PPP1R9A: variants seen among roughly 807,000 people sequenced by gnomAD.
PPP1R9A encodes the protein protein phosphatase 1 regulatory subunit 9A, also known as neurabin-1.
Under a neutral mutation model 141.9 loss-of-function variants are expected in PPP1R9A, and 59 were observed. The ratio of observed to expected loss-of-function variants is 0.42; its 90% CI spans 0.34 to 0.52. PPP1R9A has a LOEUF of 0.52. PPP1R9A is among the 20% of genes least tolerant of loss of function. The probability of loss-of-function intolerance (pLI) is 0.10; values close to 1 mark genes in which losing one functional copy is unlikely to be tolerated. For synonymous variants in PPP1R9A, 500 were observed against 569.7 expected (o/e 0.88, Z 1.74); for missense variants, 1,444 against 1,611.9 (o/e 0.90, Z 1.78).
At chr7:95,147,778 A>T (rs1827908301) in intron 4 of PPP1R9A, among the ~76,000 whole-genome samples, 1 of 152,032 alleles carries the variant, frequency 6.6e-6, no homozygotes, top group African/African-American at 2.4e-5. Flanking sequence ...CATTCGTTCT[A>T]CTTATGTGAT....
intron 4 of PPP1R9A, among the ~76,000 whole-genome samples, chr7:95,126,786 C>T (rs527805394): frequency 1.8e-4 from 27 of 152,076 alleles, no homozygotes; most frequent in Non-Finnish European, 3.5e-4. Flanking sequence ...GAGGTTGCAT[C>T]TAAAAGTTGT....
chr7:95,025,653 A>T (rs1806720002), intron 2 of PPP1R9A, among the ~76,000 whole-genome samples: 1 of 152,038 alleles, frequency 6.6e-6, no homozygotes, highest in African/African-American at 2.4e-5. Flanking sequence ...CCTGGATAAA[A>T]TCCTGAAGAG....
intron 4 of PPP1R9A, among the ~76,000 whole-genome samples, chr7:95,151,789 TAAAAA>T (rs576612472): frequency 6.6e-6 from 1 of 151,638 alleles, no homozygotes; most frequent in African/African-American, 2.4e-5. Flanking sequence ...GTTCTGAACA[TAAAAA>T]AACTCTACAA....
chr7:95,250,380 A>G, intron 10 of PPP1R9A, 125 bp downstream of exon 10: 1 of 808,900 alleles, frequency 1.2e-6, no homozygotes, highest in Non-Finnish European at 1.9e-6. Context: ...ATCCAGGAGC[A>G]TAGTTACAGC....
At chr7:95,219,120 C>T (rs1585314869) in intron 7 of PPP1R9A, among the ~76,000 whole-genome samples, 1 of 152,162 alleles carries the variant, frequency 6.6e-6, no homozygotes, top group Non-Finnish European at 1.5e-5. Context: ...TTGTTCCTTT[C>T]CATGTTTAAT....
intron 8 of PPP1R9A, among the ~76,000 whole-genome samples, chr7:95,233,132 T>C (rs1016516954): frequency 2.0e-5 from 3 of 152,218 alleles, no homozygotes; most frequent in East Asian, 1.9e-4. Flanking sequence ...ATGCCCATCA[T>C]TGATAGACTG....
rs573856584 is a variant in PPP1R9A at position 95,180,627 on chromosome 7, A to T, written c.1755-17722A>T. On this transcript the variant is annotated intron_variant, in intron 5 of 19. Transcript: ENST00000433360. ...GGGAGAAAATCTTTGCCATCTACAC[A>T]TCTGACATAGGACTAATATCCAGAA... 2.6e-5 allele frequency among the ~76,000 whole-genome samples: 4 copies of T among 152,298 alleles called. No homozygotes were observed. The East Asian group carries it at 7.7e-4, about 29-fold the overall frequency.
At chr7:95,066,576 A>G (rs1812977341) in intron 2 of PPP1R9A, among the ~76,000 whole-genome samples, 1 of 152,248 alleles carries the variant, frequency 6.6e-6, no homozygotes, top group Non-Finnish European at 1.5e-5. Context: ...AGTGATATTC[A>G]GAGGACAAAA....
chr7:95,227,892 A>C (rs1265712345), intron 8 of PPP1R9A, among the ~76,000 whole-genome samples: 4 of 152,184 alleles, frequency 2.6e-5, no homozygotes, highest in Non-Finnish European at 4.4e-5. Context: ...TTTGTTTTAC[A>C]TTTAACATTA....
Position 95,014,075 on chromosome 7 carries a change from C to G in PPP1R9A, c.1396-97184C>G, listed in dbSNP as rs1804775580. On this transcript the variant is annotated intron_variant, in intron 2 of 19. Coordinates refer to ENST00000433360, the MANE Select transcript of PPP1R9A (RefSeq NM_001166160.2). ...TACTCAAGTATGCATTTCCTAAAATCAGGAACATGGTCTAAAACAACCATA... is the reference window on the plus strand; with the variant it reads ...TACTCAAGTATGCATTTCCTAAAATGAGGAACATGGTCTAAAACAACCATA... Among the ~76,000 whole-genome samples the G allele has an allele frequency of 1.3e-5, 2 of 151,982 alleles. 1 individual carries two copies. Among genetic ancestry groups the G allele is most frequent in the Admixed American group, 1.3e-4 (2 of 15,252 alleles).
chr7:95,027,776 G>T (rs1252876678), intron 2 of PPP1R9A, among the ~76,000 whole-genome samples: 1 of 152,040 alleles, frequency 6.6e-6, no homozygotes, highest in Non-Finnish European at 1.5e-5. Flanking sequence ...GTATCACGAT[G>T]GTAAGTATTT....
intron 2 of PPP1R9A, among the ~76,000 whole-genome samples, chr7:95,001,936 C>G (rs1802987757): frequency 6.6e-6 from 1 of 152,174 alleles, no homozygotes; most frequent in Non-Finnish European, 1.5e-5. Flanking sequence ...AAGTTAATCA[C>G]TGACAAAATT....
chr7:95,231,387 A>G (rs547634647), intron 8 of PPP1R9A, among the ~76,000 whole-genome samples: 3 of 152,262 alleles, frequency 2.0e-5, no homozygotes, highest in Non-Finnish European at 4.4e-5. Context: ...ACTATACCCT[A>G]CAACAAATGG....
At chr7:95,169,158 A>G (rs1435681672) in intron 5 of PPP1R9A, among the ~76,000 whole-genome samples, 2 of 151,994 alleles carry the variant, frequency 1.3e-5, no homozygotes, top group African/African-American at 4.8e-5. Flanking sequence ...CAAAGGATGA[A>G]TGGATTTTTT....
At chr7:95,231,083 C>T (rs1261238779) in intron 8 of PPP1R9A, among the ~76,000 whole-genome samples, 1 of 152,038 alleles carries the variant, frequency 6.6e-6, no homozygotes, top group African/African-American at 2.4e-5. Flanking sequence ...TGCAAATGGA[C>T]ACCAAAAGCA....
chr7:95,227,272 A>G (rs1795270712), intron 8 of PPP1R9A, among the ~76,000 whole-genome samples: 1 of 152,240 alleles, frequency 6.6e-6, no homozygotes. Context: ...GCGAAAGCCT[A>G]TAATACAGCT....
At chr7:95,263,422 TTGTTGC>T (rs58364213) in intron 12 of PPP1R9A, among the ~76,000 whole-genome samples, 73,424 of 150,522 alleles carry the variant, frequency 0.49, 18,099 homozygotes, top group Middle Eastern at 0.59. Context: ...TTTGTTGTTG[TTGTTGC>T]TGTTGTTGTT....
At chr7:95,166,502 A>C (rs1232337140) in intron 5 of PPP1R9A, among the ~76,000 whole-genome samples, 1 of 152,248 alleles carries the variant, frequency 6.6e-6, no homozygotes. Flanking sequence ...AATGAGTAAC[A>C]AGATTGAATC....
intron 12 of PPP1R9A, among the ~76,000 whole-genome samples, chr7:95,255,699 C>T (rs1359416209): frequency 6.6e-6 from 1 of 152,030 alleles, no homozygotes; most frequent in East Asian, 1.9e-4. Context: ...ATGTAAGCAT[C>T]TCAAAAGATG....
Sources: gnomAD v4.1 joint callset for allele counts (sites outside exome capture counted in the v4.1 genomes callset) on GRCh38, gnomAD v4.1.1 for gene constraint, MANE v1.5 for transcripts, NCBI Gene and HGNC (gene_info 2026-07-23, HGNC 2026-07-21) for gene names.